Variants in ROBO1 observed in about 807,000 individuals in gnomAD.
The protein encoded by ROBO1 is roundabout homolog 1.
Under a neutral mutation model 195.9 loss-of-function variants are expected in ROBO1, and 149 were observed. The ratio of observed to expected loss-of-function variants is 0.76; its 90% CI spans 0.67 to 0.87. The LOEUF (loss-of-function observed/expected upper bound fraction) is 0.87. ROBO1 is among the 40% of genes least tolerant of loss of function. ROBO1 has a pLI of 0.00. For synonymous variants in ROBO1, 816 were observed against 733.2 expected (o/e 1.11, Z -1.82); for missense variants, 1,933 against 2,068.3 (o/e 0.93, Z 1.27).
chr3:78,901,109 T>C (rs1002520077), intron 4 of ROBO1, among the ~76,000 whole-genome samples: 3 of 152,244 alleles, frequency 2.0e-5, no homozygotes, highest in Non-Finnish European at 4.4e-5. Context: ...TCTGGCCTAA[T>C]GCAGTATGCA....
At chr3:79,428,113 C>A (rs1299404108) in intron 2 of ROBO1, among the ~76,000 whole-genome samples, 1 of 151,928 alleles carries the variant, frequency 6.6e-6, no homozygotes, top group African/African-American at 2.4e-5. Context: ...AGGAAAGCAT[C>A]TAATAATCTG....
chr3:78,927,444 T>C (rs181679404), intron 4 of ROBO1, among the ~76,000 whole-genome samples: 15 of 152,358 alleles, frequency 9.8e-5, no homozygotes, highest in African/African-American at 3.6e-4. Flanking sequence ...AGATTATTCA[T>C]ACAAAATGTT....
intron 29 of ROBO1, among the ~76,000 whole-genome samples, chr3:78,606,227 C>G (rs947825848): frequency 6.6e-6 from 1 of 152,206 alleles, no homozygotes; most frequent in African/African-American, 2.4e-5. Context: ...GGCTACAGAA[C>G]AGTTGTGTGA....
At chr3:78,638,324 T>TAC (rs1158419916) in intron 22 of ROBO1, among the ~76,000 whole-genome samples, 1 of 150,874 alleles carries the variant, frequency 6.6e-6, no homozygotes, top group Admixed American at 6.6e-5. Context: ...TGTATATATA[T>TAC]ACACACACAC....
chr3:79,144,423 A>G (rs2080600804), intron 2 of ROBO1, among the ~76,000 whole-genome samples: 1 of 151,018 alleles, frequency 6.6e-6, no homozygotes. Context: ...TTTTTCCCCT[A>G]CTGTCTACTC....
At chr3:79,510,137 T>C (rs1440355878) in intron 2 of ROBO1, among the ~76,000 whole-genome samples, 1 of 152,042 alleles carries the variant, frequency 6.6e-6, no homozygotes, top group Non-Finnish European at 1.5e-5. Flanking sequence ...TTTGGCTGTG[T>C]CCCCCCACCA....
intron 3 of ROBO1, among the ~76,000 whole-genome samples, chr3:79,055,373 C>T (rs2108381328): frequency 6.6e-6 from 1 of 152,198 alleles, no homozygotes; most frequent in African/African-American, 2.4e-5. Flanking sequence ...GGCCCACCTG[C>T]ACCATACACA....
intron 2 of ROBO1, among the ~76,000 whole-genome samples, chr3:79,234,600 A>G (rs1472844847): frequency 6.6e-6 from 1 of 152,182 alleles, no homozygotes; most frequent in Non-Finnish European, 1.5e-5. Context: ...GAATGGATGA[A>G]GAAAATATGG....
chr3:79,529,058 A>G (rs1941545917), intron 2 of ROBO1, among the ~76,000 whole-genome samples: 1 of 152,232 alleles, frequency 6.6e-6, no homozygotes, highest in South Asian at 2.1e-4. Flanking sequence ...TAGTTTATAG[A>G]CAATGCCTTG....
intron 10 of ROBO1, among the ~76,000 whole-genome samples, chr3:78,678,444 GAA>G (rs1045111751): frequency 6.6e-6 from 1 of 151,910 alleles, no homozygotes; most frequent in Admixed American, 6.6e-5. Context: ...TAATAAAGAG[GAA>G]AAGAGAGAAG....
At chr3:79,578,476 C>T (rs193005102) in intron 2 of ROBO1, among the ~76,000 whole-genome samples, 7 of 152,234 alleles carry the variant, frequency 4.6e-5, no homozygotes, top group Non-Finnish European at 5.9e-5. Context: ...TTGGGAAATA[C>T]TTAGCACTAT....
intron 1 of ROBO1, among the ~76,000 whole-genome samples, chr3:79,617,048 A>G (rs1211696184): frequency 6.6e-6 from 1 of 152,158 alleles, no homozygotes; most frequent in African/African-American, 2.4e-5. Context: ...TCTTTTTGAA[A>G]TGAAGCTCAT....
intron 2 of ROBO1, among the ~76,000 whole-genome samples, chr3:79,409,498 G>C (rs2037681857): frequency 6.6e-6 from 1 of 152,104 alleles, no homozygotes; most frequent in African/African-American, 2.4e-5. Context: ...AAGAATATCT[G>C]ATAAGTTGAA....
intron 2 of ROBO1, among the ~76,000 whole-genome samples, chr3:79,368,022 A>AC (rs761595138): frequency 2.0e-5 from 3 of 151,938 alleles, no homozygotes; most frequent in Non-Finnish European, 4.4e-5. Context: ...GCTCACTGCA[A>AC]CCTCCGCCTC....
chr3:79,343,777 T>A (rs1054855251), intron 2 of ROBO1, among the ~76,000 whole-genome samples: 2 of 152,156 alleles, frequency 1.3e-5, no homozygotes, highest in African/African-American at 2.4e-5. Flanking sequence ...GAAAAGAATC[T>A]GAGTGTCCTT....
chr3:79,626,750 C>T (rs1023738479), intron 1 of ROBO1, among the ~76,000 whole-genome samples: 11 of 152,044 alleles, frequency 7.2e-5, no homozygotes, highest in African/African-American at 2.7e-4. Context: ...TTTAGAAAAT[C>T]CTATCATCTC....
intron 4 of ROBO1, among the ~76,000 whole-genome samples, chr3:78,823,852 C>A (rs1432374127): frequency 6.6e-6 from 1 of 151,868 alleles, no homozygotes; most frequent in South Asian, 2.1e-4. Context: ...GTATGAATTT[C>A]TTTTTTTCTC....
intron 5 of ROBO1, among the ~76,000 whole-genome samples, chr3:78,741,054 T>A (rs2082519696): frequency 6.6e-6 from 1 of 152,216 alleles, no homozygotes; most frequent in Non-Finnish European, 1.5e-5. Flanking sequence ...TATATTAAGA[T>A]AAACTATACA....
At chr3:79,006,485 T>C (rs1166404134) in intron 3 of ROBO1, among the ~76,000 whole-genome samples, 1 of 152,204 alleles carries the variant, frequency 6.6e-6, no homozygotes, top group African/African-American at 2.4e-5. Context: ...AAATGATGAC[T>C]ATATATCATA....
Sources: allele counts gnomAD v4.1 joint callset (sites outside exome capture counted in the v4.1 genomes callset), GRCh38; gene constraint gnomAD v4.1.1; transcripts MANE v1.5; gene names NCBI Gene and HGNC (gene_info 2026-07-23, HGNC 2026-07-21).